CDK14: variants seen among roughly 807,000 people sequenced by gnomAD.
The protein encoded by CDK14 is cyclin-dependent kinase 14.
A neutral mutation model predicts 60.7 loss-of-function variants in CDK14; 34 were observed. The ratio of observed to expected loss-of-function variants is 0.56; its 90% CI spans 0.43 to 0.75. CDK14 has a LOEUF of 0.75. Ranked by LOEUF, CDK14 falls within the 30% of genes least tolerant of loss-of-function variation. The probability of loss-of-function intolerance (pLI) is 0.00; values close to 1 mark genes in which losing one functional copy is unlikely to be tolerated. For missense variants in CDK14, 482 were observed against 564.1 expected, an observed-to-expected ratio of 0.85 and a Z score of 1.47; for synonymous variants, 197 against 203.7, an observed-to-expected ratio of 0.97 and a Z score of 0.28.
At chr7:90,771,747 G>A (rs1238426232) in intron 4 of CDK14, among the ~76,000 whole-genome samples, 1 of 152,208 alleles carries the variant, frequency 6.6e-6, no homozygotes, top group Non-Finnish European at 1.5e-5. Context: ...CCAATCAGGG[G>A]CCAAGTGTAC....
chr7:90,699,211 A>G lies in CDK14; in HGVS notation c.124-27356A>G, dbSNP rs192064991. Among the ~76,000 whole-genome samples, 33 of 152,360 alleles carry G rather than the reference A, an allele frequency of 2.2e-4. 1 individual carries two copies. The highest frequency in any genetic ancestry group is 7.7e-4 in the African/African-American group (32 of 41,574). On this transcript the variant is annotated intron_variant, in intron 2 of 14. Transcript: ENST00000380050. Reference sequence around the variant, plus strand: ...ATGAGTCTGACAGCCCATGGCTGATACAGAAGAAAGTGCCAGACTGATCTG... The same window carrying G: ...ATGAGTCTGACAGCCCATGGCTGATGCAGAAGAAAGTGCCAGACTGATCTG...
At chr7:91,101,692 C>G (rs550754721) in intron 12 of CDK14, among the ~76,000 whole-genome samples, 82 of 152,140 alleles carry the variant, frequency 5.4e-4, no homozygotes, top group African/African-American at 2.0e-3. Flanking sequence ...ATTGCACAGC[C>G]CAGCACCTGG....
chr7:90,685,752 G>A (rs530651686), intron 2 of CDK14, among the ~76,000 whole-genome samples: 4 of 146,314 alleles, frequency 2.7e-5, no homozygotes, highest in Non-Finnish European at 4.5e-5. Context: ...ACAGTGCCTA[G>A]CCAGCATTGA....
chr7:91,091,851 A>T (rs1382072398), intron 12 of CDK14, among the ~76,000 whole-genome samples: 1 of 151,610 alleles, frequency 6.6e-6, no homozygotes, highest in Admixed American at 6.6e-5. Flanking sequence ...TTTACATATG[A>T]TCTGCAAATG....
chr7:90,649,314 TTCCTTCC>T lies in CDK14; in HGVS notation c.123+45067_123+45073del, dbSNP rs1800552436. 1.9e-3 allele frequency among the ~76,000 whole-genome samples: 60 copies of T among 31,640 alleles called. 4 individuals are homozygous for T. Among genetic ancestry groups the T allele is most frequent in the African/African-American group, 2.2e-3 (12 of 5,366 alleles). The allele number at this position is 31,640 out of a possible 152,430, so 20.8% of individuals were successfully genotyped here. On this transcript the variant is annotated intron_variant, in intron 2 of 14. Transcript: ENST00000380050. The stretch of plus-strand genomic sequence containing the variant: ...TTTCTTTCTTTCTTTCTTTCTTTCC[TTCCTTCC>T]TTCCTTCCTTCCTTCCTTCCTTCCT...
intron 3 of CDK14, among the ~76,000 whole-genome samples, chr7:90,731,802 T>C (rs1766239206): frequency 6.6e-6 from 1 of 152,206 alleles, no homozygotes; most frequent in South Asian, 2.1e-4. Context: ...CAATTTGACT[T>C]CCTGTTTTCC....
chr7:90,653,608 A>G (rs1242653975), intron 2 of CDK14, among the ~76,000 whole-genome samples: 2 of 152,046 alleles, frequency 1.3e-5, no homozygotes, highest in African/African-American at 2.4e-5. Flanking sequence ...ATCATGCCCA[A>G]TTTGAGTGTT....
chr7:90,957,371 G>A (rs1414064151), intron 9 of CDK14, among the ~76,000 whole-genome samples: 1 of 152,130 alleles, frequency 6.6e-6, no homozygotes, highest in South Asian at 2.1e-4. Context: ...GCAGGAGAAG[G>A]AAATAAAGGG....
At chr7:90,753,884 C>G (rs1803948202) in intron 4 of CDK14, among the ~76,000 whole-genome samples, 1 of 151,988 alleles carries the variant, frequency 6.6e-6, no homozygotes, top group African/African-American at 2.4e-5. Flanking sequence ...TTTACAATAG[C>G]CACAAAAAAT....
chr7:91,185,739 A>G (rs1802156122), intron 14 of CDK14, among the ~76,000 whole-genome samples: 1 of 151,880 alleles, frequency 6.6e-6, no homozygotes, highest in Non-Finnish European at 1.5e-5. Context: ...AAATATTTAA[A>G]TAAATTAAAA....
rs567982602 is a variant in CDK14 at position 90,691,412 on chromosome 7, C to T, written c.124-35155C>T. On this transcript the variant is annotated intron_variant, in intron 2 of 14. Coordinates refer to ENST00000380050, the MANE Select transcript of CDK14 (RefSeq NM_001287135.2). ...GACTTGTAGGCATAGACTTGGAGGC[C>T]ATGAAGAAGTGACCCATGAGGCTGC... Among the ~76,000 whole-genome samples the T allele has an allele frequency of 3.3e-5, 5 of 152,086 alleles. No individual in the cohort carries two copies. The South Asian group carries it at 8.3e-4, about 25-fold the overall frequency.
intron 2 of CDK14, among the ~76,000 whole-genome samples, chr7:90,664,895 A>ATTGT (rs1800943271): frequency 6.6e-6 from 1 of 152,162 alleles, no homozygotes; most frequent in African/African-American, 2.4e-5. Context: ...CATATGTAAC[A>ATTGT]AACCTGCAGA....
At chr7:91,185,572 T>C (rs1261821418) in intron 14 of CDK14, among the ~76,000 whole-genome samples, 2 of 152,102 alleles carry the variant, frequency 1.3e-5, no homozygotes, top group Admixed American at 1.3e-4. Flanking sequence ...CATTATTACA[T>C]TCATAAGCAT....
At chr7:90,623,464 G>A (rs570954175) in intron 2 of CDK14, among the ~76,000 whole-genome samples, 162 of 152,190 alleles carry the variant, frequency 1.1e-3, no homozygotes, top group African/African-American at 3.6e-3. Context: ...ATACTGGCAT[G>A]GCAATAGTGG....
intron 12 of CDK14, among the ~76,000 whole-genome samples, chr7:91,084,352 T>C (rs1401861337): frequency 2.0e-5 from 3 of 152,198 alleles, no homozygotes; most frequent in Non-Finnish European, 2.9e-5. Flanking sequence ...ACTTCCTCTG[T>C]CCTGGGGAAA....
chr7:90,818,295 G>A (rs1216399290), intron 5 of CDK14, among the ~76,000 whole-genome samples: 3 of 152,190 alleles, frequency 2.0e-5, no homozygotes, highest in Admixed American at 6.6e-5. Flanking sequence ...TTCATGGGCA[G>A]TTAATATAGT....
At chr7:91,112,883 G>A (rs1462208742) in intron 13 of CDK14, among the ~76,000 whole-genome samples, 1 of 150,170 alleles carries the variant, frequency 6.7e-6, no homozygotes, top group Admixed American at 6.7e-5. Context: ...AGAGAACAGG[G>A]GAAGGGGGGC....
intron 6 of CDK14, among the ~76,000 whole-genome samples, chr7:90,885,128 G>A (rs1401902304): frequency 2.6e-5 from 4 of 152,044 alleles, no homozygotes. Context: ...GCAAAAGAAA[G>A]TATCATCAGA....
chr7:91,116,023 T>A (rs1799599214), intron 13 of CDK14, among the ~76,000 whole-genome samples: 1 of 152,094 alleles, frequency 6.6e-6, no homozygotes, highest in African/African-American at 2.4e-5. Flanking sequence ...ACCCTGTCAT[T>A]CTCCCTCTGT....
Sources: allele counts gnomAD v4.1 joint callset (sites outside exome capture counted in the v4.1 genomes callset), GRCh38; gene constraint gnomAD v4.1.1; transcripts MANE v1.5; gene names NCBI Gene and HGNC (gene_info 2026-07-23, HGNC 2026-07-21).